FHIT: variants seen among roughly 807,000 people sequenced by gnomAD.
FHIT encodes bis(5'-adenosyl)-triphosphatase.
FHIT carries 19 observed loss-of-function variants against 17.9 expected under a neutral mutation model. The observed-to-expected ratio is 1.06, with a 90% CI of 0.74 to 1.56. The LOEUF (loss-of-function observed/expected upper bound fraction) is 1.56, where lower values mean the gene tolerates loss of function less well. Ranked by LOEUF, FHIT falls within the 40% of genes most tolerant of loss-of-function variation. FHIT has a pLI of 0.00. For synonymous variants in FHIT, 81 were observed against 69.7 expected (o/e 1.16, Z -0.81); for missense variants, 248 against 189.2 (o/e 1.31, Z -1.82).
At chr3:60,050,577 C>T (rs921184380) in intron 5 of FHIT, among the ~76,000 whole-genome samples, 5 of 147,848 alleles carry the variant, frequency 3.4e-5, no homozygotes, top group Non-Finnish European at 7.4e-5. Context: ...TGTTCCCAGA[C>T]CTCTACTGCA....
At chr3:60,359,659 G>A (rs1414786449) in intron 5 of FHIT, among the ~76,000 whole-genome samples, 4 of 152,274 alleles carry the variant, frequency 2.6e-5, no homozygotes, top group East Asian at 1.9e-4. Flanking sequence ...ACTTGTTTTC[G>A]CCAAAGAGAC....
At chr3:61,044,341 A>T (rs1432681697) in intron 2 of FHIT, among the ~76,000 whole-genome samples, 1 of 152,224 alleles carries the variant, frequency 6.6e-6, no homozygotes, top group Non-Finnish European at 1.5e-5. Context: ...CACATGCACA[A>T]GTTTCGGTAG....
At chr3:61,109,462 G>A (rs2036089225) in intron 2 of FHIT, among the ~76,000 whole-genome samples, 2 of 152,136 alleles carry the variant, frequency 1.3e-5, no homozygotes, top group Admixed American at 6.6e-5. Flanking sequence ...CACAGGGAGA[G>A]TGCTAAGTAA....
intron 2 of FHIT, among the ~76,000 whole-genome samples, chr3:61,052,971 G>A (rs1366055382): frequency 6.6e-6 from 1 of 152,114 alleles, no homozygotes; most frequent in Non-Finnish European, 1.5e-5. Context: ...TTCTGCTGCT[G>A]TATGATACAA....
intron 5 of FHIT, among the ~76,000 whole-genome samples, chr3:60,172,320 C>T (rs1380679623): frequency 1.3e-5 from 2 of 152,134 alleles, no homozygotes; most frequent in Non-Finnish European, 2.9e-5. Context: ...GGCTGCAGTG[C>T]AATGGCACAA....
chr3:60,867,954 G>A (rs782327017), intron 3 of FHIT, among the ~76,000 whole-genome samples: 5 of 152,104 alleles, frequency 3.3e-5, no homozygotes, highest in Admixed American at 6.6e-5. Context: ...TCCCAAAGAT[G>A]GAGAAAAGCA....
intron 2 of FHIT, among the ~76,000 whole-genome samples, chr3:61,052,699 T>C (rs2034071487): frequency 6.6e-6 from 1 of 152,212 alleles, no homozygotes; most frequent in South Asian, 2.1e-4. Context: ...TTTTGTTGCA[T>C]ACTGGCACCA....
At chr3:60,109,470 G>A (rs1031426484) in intron 5 of FHIT, among the ~76,000 whole-genome samples, 1 of 152,166 alleles carries the variant, frequency 6.6e-6, no homozygotes, top group Non-Finnish European at 1.5e-5. Context: ...TTCCTAAAGA[G>A]AGAGTAAATA....
chr3:61,166,696 C>A (rs1316522719), intron 2 of FHIT, among the ~76,000 whole-genome samples: 8 of 152,174 alleles, frequency 5.3e-5, no homozygotes, highest in Non-Finnish European at 1.2e-4. Flanking sequence ...AACTGCAGAT[C>A]GTCTTTCCTG....
chr3:60,953,267 T>C (rs1393544433), intron 3 of FHIT, among the ~76,000 whole-genome samples: 1 of 152,186 alleles, frequency 6.6e-6, no homozygotes, highest in Non-Finnish European at 1.5e-5. Flanking sequence ...TCTGTTTGCA[T>C]GTCTGTCTTT....
chr3:60,278,527 C>T (rs1343499887), intron 5 of FHIT, among the ~76,000 whole-genome samples: 6 of 152,048 alleles, frequency 3.9e-5, no homozygotes, highest in Admixed American at 3.9e-4. Flanking sequence ...CTCATCACCA[C>T]GTGAAGAGGT....
At chr3:60,870,142 C>T (rs554274389) in intron 3 of FHIT, among the ~76,000 whole-genome samples, 1 of 152,188 alleles carries the variant, frequency 6.6e-6, no homozygotes, top group East Asian at 1.9e-4. Flanking sequence ...CTGTCACCTA[C>T]TATTTTCAGC....
At chr3:60,358,501 G>A (rs988099409) in intron 5 of FHIT, among the ~76,000 whole-genome samples, 19 of 152,150 alleles carry the variant, frequency 1.2e-4, no homozygotes, top group Non-Finnish European at 2.5e-4. Context: ...TTCTTAAGAC[G>A]TAAATCACAA....
chr3:60,855,771 T>C (rs1553749765), intron 3 of FHIT, among the ~76,000 whole-genome samples: 1 of 152,144 alleles, frequency 6.6e-6, no homozygotes, highest in African/African-American at 2.4e-5. Context: ...TCTAGTGTTC[T>C]GTAGTGTACT....
At chr3:60,212,168 A>G (rs74384245) in intron 5 of FHIT, among the ~76,000 whole-genome samples, 523 of 152,200 alleles carry the variant, frequency 3.4e-3, no homozygotes, top group African/African-American at 0.012. Flanking sequence ...TTGTATTTCT[A>G]GCTTTCACTC....
At chr3:61,006,073 G>GTT (rs142807076) in intron 3 of FHIT, among the ~76,000 whole-genome samples, 1 of 144,230 alleles carries the variant, frequency 6.9e-6, no homozygotes, top group African/African-American at 2.6e-5. Flanking sequence ...TTAAAACAAG[G>GTT]TTTTTAAAAA....
At chr3:60,705,962 T>C (rs1437574061) in intron 4 of FHIT, among the ~76,000 whole-genome samples, 2 of 152,190 alleles carry the variant, frequency 1.3e-5, no homozygotes, top group African/African-American at 4.8e-5. Context: ...AAAAATGTAT[T>C]TCAAGCCACA....
At chr3:59,847,749 G>A (rs984411259) in intron 8 of FHIT, among the ~76,000 whole-genome samples, 3 of 152,044 alleles carry the variant, frequency 2.0e-5, no homozygotes, top group African/African-American at 7.2e-5. Context: ...GCTGGTATTT[G>A]TTTTCATGTT....
rs1285860265 is a variant in FHIT, at chr3:59,748,936, C to A, written c.*649G>T. On this transcript the variant is annotated 3_prime_UTR_variant, in exon 10 of 10. Coordinates refer to ENST00000492590, the MANE Select transcript of FHIT (RefSeq NM_002012.4). ...GAGCCCTATCATGTCTGCCTCTGTG[C>A]ATGTTGAGAATTGTGCAGTTTTGCA... Among the ~76,000 whole-genome samples the A allele has an allele frequency of 6.6e-6, 1 of 152,108 alleles. No homozygotes were observed. The highest frequency in any genetic ancestry group is 1.5e-5 in the Non-Finnish European group (1 of 68,018).
Sources: gnomAD v4.1 joint callset for allele counts (sites outside exome capture counted in the v4.1 genomes callset) on GRCh38, gnomAD v4.1.1 for gene constraint, MANE v1.5 for transcripts, NCBI Gene and HGNC (gene_info 2026-07-23, HGNC 2026-07-21) for gene names.